The following TRIM2 variants were observed in gnomAD, a reference collection of about 807,000 sequenced individuals.
The protein encoded by TRIM2 is tripartite motif-containing protein 2.
Under a neutral mutation model 75.2 loss-of-function variants are expected in TRIM2, and 20 were observed. That is an observed-to-expected ratio of 0.27 (90% CI 0.19 to 0.39). The LOEUF (loss-of-function observed/expected upper bound fraction) is 0.39, where lower values mean the gene tolerates loss of function less well. Ranked by LOEUF, TRIM2 falls within the 10% of genes least tolerant of loss-of-function variation. The pLI is 1.00. For missense variants in TRIM2, 660 were observed against 990.8 expected (o/e 0.67, Z 4.48); for synonymous variants, 373 against 388.3 (o/e 0.96, Z 0.46).
chr4:153,313,871 A>G (rs948064519), intron 6 of TRIM2, among the ~76,000 whole-genome samples: 6 of 152,048 alleles, frequency 3.9e-5, no homozygotes, highest in African/African-American at 1.4e-4. Flanking sequence ...TCCTGACCTC[A>G]GGTAATTCGT....
At chr4:153,244,247 T>G (rs1236172873) in intron 1 of TRIM2, among the ~76,000 whole-genome samples, 2 of 103,270 alleles carry the variant, frequency 1.9e-5, no homozygotes, top group Non-Finnish European at 4.3e-5. Flanking sequence ...TTCTCCTTCC[T>G]CTTCTTTCCT....
At chr4:153,277,980 G>C (rs1014179285) in intron 3 of TRIM2, among the ~76,000 whole-genome samples, 4 of 152,230 alleles carry the variant, frequency 2.6e-5, no homozygotes, top group Non-Finnish European at 4.4e-5. Flanking sequence ...CTAAATACTA[G>C]TTATGGGAAG....
chr4:153,246,736 C>T (rs1373306825), intron 1 of TRIM2, among the ~76,000 whole-genome samples: 1 of 152,178 alleles, frequency 6.6e-6, no homozygotes, highest in African/African-American at 2.4e-5. Context: ...AGCATTGGCC[C>T]TAAGGTCATG....
chr4:153,260,095 T>A (rs926619670), intron 1 of TRIM2, among the ~76,000 whole-genome samples: 4 of 152,236 alleles, frequency 2.6e-5, no homozygotes, highest in Admixed American at 2.6e-4. Context: ...TCCTATTATG[T>A]AGAGCTGTGT....
intron 1 of TRIM2, among the ~76,000 whole-genome samples, chr4:153,190,921 G>C (rs1362487835): frequency 1.3e-5 from 2 of 151,988 alleles, no homozygotes; most frequent in African/African-American, 4.8e-5. Flanking sequence ...TATTTTAGTA[G>C]AGACAGGGTT....
intron 1 of TRIM2, among the ~76,000 whole-genome samples, chr4:153,180,502 G>A (rs1437032659): frequency 6.6e-6 from 1 of 152,004 alleles, no homozygotes; most frequent in Non-Finnish European, 1.5e-5. Context: ...ATTTTTGTTT[G>A]TTTATTTGTT....
At chr4:153,280,400 T>TTTTTTTTTG (rs1759039210) in intron 3 of TRIM2, among the ~76,000 whole-genome samples, 3 of 149,902 alleles carry the variant, frequency 2.0e-5, no homozygotes, top group Non-Finnish European at 3.0e-5. Flanking sequence ...TTTTTTTTTT[T>TTTTTTTTTG]GCTGGGTCTC....
chr4:153,257,713 T>A, intron 1 of TRIM2: 1 of 754,360 alleles, frequency 1.3e-6, no homozygotes, highest in Non-Finnish European at 2.0e-6. Flanking sequence ...GCGACAGACT[T>A]GGGAGGATTT....
At chr4:153,329,762 A>G (rs1162401755) in intron 11 of TRIM2, among the ~76,000 whole-genome samples, 1 of 151,986 alleles carries the variant, frequency 6.6e-6, no homozygotes, top group Non-Finnish European at 1.5e-5. Context: ...GCTTGAACCC[A>G]GGAGGAAGAG....
At chr4:153,324,247 G>A (rs1033384561) in intron 10 of TRIM2, 99 bp downstream of exon 10, 3 of 986,812 alleles carry the variant, frequency 3.0e-6, no homozygotes, top group East Asian at 5.3e-5. Flanking sequence ...GCACCAAAGG[G>A]AGTTAACCAG....
upstream of TRIM2, among the ~76,000 whole-genome samples, chr4:153,200,716 G>GA (rs71598251): frequency 0.022 from 2,933 of 130,880 alleles, 39 homozygotes; most frequent in Middle Eastern, 0.038. Context: ...TTTTTAGTAA[G>GA]AAAAAAAAAT....
At chr4:153,242,214 G>A (rs541363154) in intron 1 of TRIM2, among the ~76,000 whole-genome samples, 80 of 152,288 alleles carry the variant, frequency 5.3e-4, no homozygotes, top group African/African-American at 1.9e-3. Flanking sequence ...GCTCTTACAT[G>A]TTTATTTTAG....
chr4:153,216,640 TGGC>T (rs1484096389), intron 1 of TRIM2, among the ~76,000 whole-genome samples: 1 of 152,224 alleles, frequency 6.6e-6, no homozygotes, highest in Non-Finnish European at 1.5e-5. Context: ...TGCCTGAGGC[TGGC>T]GAATTTATAG....
At chr4:153,315,125 T>C (rs1219118530) in intron 6 of TRIM2, among the ~76,000 whole-genome samples, 4 of 152,178 alleles carry the variant, frequency 2.6e-5, no homozygotes, top group South Asian at 2.1e-4. Context: ...ACCTGACAGA[T>C]AGCAGTGCCA....
chr4:153,196,342 C>T (rs4635803), intron 1 of TRIM2, among the ~76,000 whole-genome samples: 53,463 of 151,266 alleles, frequency 0.35, 9,704 homozygotes, highest in Non-Finnish European at 0.4. Context: ...GAAGTTGAGG[C>T]GGGAGGATTG....
At chr4:153,288,263 C>A (rs1008991581) in intron 3 of TRIM2, among the ~76,000 whole-genome samples, 1 of 151,914 alleles carries the variant, frequency 6.6e-6, no homozygotes, top group Non-Finnish European at 1.5e-5. Flanking sequence ...ATGGTGAAAC[C>A]TTGTCTCTAC....
intron 1 of TRIM2, among the ~76,000 whole-genome samples, chr4:153,260,654 C>T (rs535598595): frequency 2.0e-5 from 3 of 147,860 alleles, no homozygotes; most frequent in African/African-American, 7.6e-5. Context: ...TTCTGAATGC[C>T]TTCCCCCCAA....
intron 1 of TRIM2, among the ~76,000 whole-genome samples, chr4:153,219,635 A>G (rs1739424275): frequency 6.6e-6 from 1 of 152,222 alleles, no homozygotes; most frequent in Non-Finnish European, 1.5e-5. Flanking sequence ...TAGGAGGCCA[A>G]GATGGGTGGA....
In TRIM2 at chr4:153,337,462, T is replaced by C. The variant is rs1772582560; in HGVS notation, c.*2496T>C. ...AGTTTGATTCAGACCTGCTCCACTA[T>C]GTGTTGCTAAAACACATGCTATGAG... On this transcript the variant is annotated 3_prime_UTR_variant, in exon 12 of 12. Coordinates refer to ENST00000338700, the MANE Select transcript of TRIM2 (RefSeq NM_015271.5). 2 of 985,886 alleles carry C rather than the reference T, an allele frequency of 2.0e-6. No individual in the cohort carries two copies. The highest frequency in any genetic ancestry group is 2.4e-6 in the Non-Finnish European group (2 of 829,922). 61.1% of individuals were successfully genotyped at this position (985,886 alleles called of 1,614,324 possible). A position where few individuals can be genotyped will look rare whatever the true frequency, so the allele number is the denominator to read the frequency against.
Sources: allele counts gnomAD v4.1 joint callset (sites outside exome capture counted in the v4.1 genomes callset), GRCh38; gene constraint gnomAD v4.1.1; transcripts MANE v1.5; gene names NCBI Gene and HGNC (gene_info 2026-07-23, HGNC 2026-07-21).